Variants in PDE10A observed in about 807,000 individuals in gnomAD.
PDE10A encodes the protein phosphodiesterase 10A, also known as cAMP and cAMP-inhibited cGMP 3',5'-cyclic phosphodiesterase 10A.
PDE10A carries 39 observed loss-of-function variants against 97.7 expected under a neutral mutation model. The ratio of observed to expected loss-of-function variants is 0.40; its 90% CI spans 0.31 to 0.52. The LOEUF is 0.52. PDE10A is among the 20% of genes least tolerant of loss of function. The pLI is 0.56. For missense variants in PDE10A, 731 were observed against 1,047.8 expected, an observed-to-expected ratio of 0.70 and a Z score of 4.17; for synonymous variants, 371 against 376.8, an observed-to-expected ratio of 0.98 and a Z score of 0.18.
intron 1 of PDE10A, among the ~76,000 whole-genome samples, chr6:165,629,589 G>A (rs2983510): frequency 0.83 from 124,686 of 149,840 alleles, 52,110 homozygotes; most frequent in East Asian, 0.89. Flanking sequence ...GCAGGAGTGC[G>A]ATGGTGCCGT....
intron 1 of PDE10A, among the ~76,000 whole-genome samples, chr6:165,688,355 C>G (rs1447970203): frequency 1.3e-5 from 2 of 152,172 alleles, no homozygotes; most frequent in Non-Finnish European, 2.9e-5. Flanking sequence ...TCACTTGAAC[C>G]TAATTTCAAA....
At chr6:165,437,043 G>GTTC (rs1790072879) in intron 5 of PDE10A, among the ~76,000 whole-genome samples, 5 of 152,030 alleles carry the variant, frequency 3.3e-5, no homozygotes, top group Admixed American at 1.3e-4. Flanking sequence ...TACCAAAGAC[G>GTTC]GAACTGCAGG....
chr6:165,607,370 C>A (rs549372405), intron 1 of PDE10A, among the ~76,000 whole-genome samples: 1 of 152,322 alleles, frequency 6.6e-6, no homozygotes, highest in African/African-American at 2.4e-5. Flanking sequence ...ACGCAGTAGC[C>A]TTCCTAATGG....
At chr6:165,590,385 C>G (rs1356315840) in intron 1 of PDE10A, among the ~76,000 whole-genome samples, 2 of 152,178 alleles carry the variant, frequency 1.3e-5, no homozygotes, top group African/African-American at 4.8e-5. Context: ...CGTCTGCTTC[C>G]AGAGTCATGC....
intron 1 of PDE10A, among the ~76,000 whole-genome samples, chr6:165,919,947 C>A (rs931856237): frequency 4.6e-5 from 7 of 152,126 alleles, no homozygotes; most frequent in African/African-American, 1.7e-4. Context: ...TCCTTAGAGT[C>A]TCTGATTTTT....
chr6:165,411,670 A>T, intron 13 of PDE10A, among the ~76,000 whole-genome samples: 1 of 152,366 alleles, frequency 6.6e-6, no homozygotes, highest in Admixed American at 6.5e-5. Flanking sequence ...AAAAAATAAG[A>T]TAATGTCCTT....
chr6:165,831,478 C>CTTTTTTTTTTTTTTTTTTTTTTTTTTT, intron 1 of PDE10A, among the ~76,000 whole-genome samples: 1 of 133,828 alleles, frequency 7.5e-6, no homozygotes, highest in Non-Finnish European at 1.5e-5. Flanking sequence ...TTGCAGGAGT[C>CTTTTTTTTTTTTTTTTTTTTTTTTTTT]TTTTTTTTTT....
At chr6:165,620,267 GTC>G (rs1788061736) in intron 1 of PDE10A, among the ~76,000 whole-genome samples, 1 of 152,246 alleles carries the variant, frequency 6.6e-6, no homozygotes, top group East Asian at 1.9e-4. Flanking sequence ...TTTCTTTTGT[GTC>G]TCTCTCCCAC....
intron 1 of PDE10A, among the ~76,000 whole-genome samples, chr6:165,619,419 GTAGTGTAGTATAGTGTAGTGTAGTA>G (rs1787957209): frequency 5.2e-5 from 1 of 19,414 alleles, no homozygotes; most frequent in African/African-American, 3.2e-4. Flanking sequence ...CTAGTGTAGT[GTAGTGTAGTATAGTGTAGTGTAGTA>G]TAGTCTAGTG....
intron 13 of PDE10A, among the ~76,000 whole-genome samples, chr6:165,398,619 AG>A (rs1478822413): frequency 6.6e-6 from 1 of 152,144 alleles, no homozygotes; most frequent in Non-Finnish European, 1.5e-5. Flanking sequence ...TATGTCAATC[AG>A]TTGACCCTGC....
At chr6:165,658,338 C>T (rs1357296104) in intron 1 of PDE10A, among the ~76,000 whole-genome samples, 1 of 152,198 alleles carries the variant, frequency 6.6e-6, no homozygotes, top group Non-Finnish European at 1.5e-5. Context: ...TGGCAATCAA[C>T]TGTAGTCTGA....
intron 1 of PDE10A, chr6:165,909,076 T>C (rs1264940280): frequency 2.0e-5 from 3 of 152,102 alleles, no homozygotes; most frequent in African/African-American, 7.2e-5. Context: ...TGTAGAAAGC[T>C]GTGTCTTGGT....
chr6:165,576,830 CT>C (rs1318116010), intron 1 of PDE10A, among the ~76,000 whole-genome samples: 1 of 152,188 alleles, frequency 6.6e-6, no homozygotes, highest in African/African-American at 2.4e-5. Context: ...CTGCTATTAC[CT>C]TTGTTCAGAC....
At chr6:165,515,278 T>C (rs1436956764) in intron 2 of PDE10A, among the ~76,000 whole-genome samples, 1 of 152,152 alleles carries the variant, frequency 6.6e-6, no homozygotes, top group Non-Finnish European at 1.5e-5. Context: ...TCTTCAGAGG[T>C]TAACTATGTT....
At chr6:165,606,826 G>T (rs1787234517) in intron 1 of PDE10A, among the ~76,000 whole-genome samples, 1 of 152,118 alleles carries the variant, frequency 6.6e-6, no homozygotes, top group Non-Finnish European at 1.5e-5. Context: ...GCGTGCAGGG[G>T]CTTAGGTGGA....
At chr6:165,722,320 A>T (rs1376684090) in intron 1 of PDE10A, among the ~76,000 whole-genome samples, 1 of 152,232 alleles carries the variant, frequency 6.6e-6, no homozygotes, top group African/African-American at 2.4e-5. Flanking sequence ...CCCAAGTTTT[A>T]GAAGGTTAAT....
chr6:165,564,047 A>G (rs2128339556), intron 1 of PDE10A, among the ~76,000 whole-genome samples: 1 of 152,346 alleles, frequency 6.6e-6, no homozygotes, highest in African/African-American at 2.4e-5. Flanking sequence ...TGTGATTTCA[A>G]CAAAAGAATT....
chr6:165,973,853 T>C (rs764855149), intron 1 of PDE10A, among the ~76,000 whole-genome samples: 6 of 152,258 alleles, frequency 3.9e-5, no homozygotes, highest in Non-Finnish European at 7.3e-5. Flanking sequence ...TCTTCTTTGA[T>C]ACTTGGGCAA....
At chr6:165,448,456 T>C (rs1296360913) in intron 5 of PDE10A, among the ~76,000 whole-genome samples, 1 of 152,192 alleles carries the variant, frequency 6.6e-6, no homozygotes, top group Non-Finnish European at 1.5e-5. Context: ...CTGAGCCTAC[T>C]ACAGTAAGGC....
Sources: allele counts gnomAD v4.1 joint callset (sites outside exome capture counted in the v4.1 genomes callset), GRCh38; gene constraint gnomAD v4.1.1; transcripts MANE v1.5; gene names NCBI Gene and HGNC (gene_info 2026-07-23, HGNC 2026-07-21).